Variants in KIF20B observed in about 807,000 individuals in gnomAD.
The protein encoded by KIF20B is kinesin family member 20B.
A neutral mutation model predicts 232.5 loss-of-function variants in KIF20B; 188 were observed. That is an observed-to-expected ratio of 0.81 (90% confidence interval 0.72 to 0.91). The LOEUF is 0.91. KIF20B is among the 40% of genes least tolerant of loss of function. KIF20B has a pLI of 0.00. For missense variants in KIF20B, 2,154 were observed against 2,055.9 expected, an observed-to-expected ratio of 1.05 and a Z score of -0.92; for synonymous variants, 712 against 683.0, an observed-to-expected ratio of 1.04 and a Z score of -0.66.
In KIF20B at chr10:89,738,241, A is replaced by T; in HGVS notation, c.3400A>T (p.Thr1134Ser). The stretch of plus-strand genomic sequence containing the variant: ...AGAAGAATTGCAAGAAAAAAATGTT[A>T]CTCTTGATGTTCAAATACAGCATGT... ...LKEELQEKNV[T>S]LDVQIQHVVE... is the part of the protein sequence containing the mutation. Residue 1134 changes from threonine (T) to serine (S), a missense_variant, in exon 20 of 33, where the codon ACT (threonine) becomes TCT (serine). Transcript: ENST00000371728. 1 of 1,604,640 alleles carries T rather than the reference A, an allele frequency of 6.2e-7. No homozygotes were observed. The highest frequency in any genetic ancestry group is 1.1e-5 in the South Asian group (1 of 88,504).
Position 89,709,910 on chromosome 10 carries a change from A to T in KIF20B, c.352-17A>T, listed in dbSNP as rs1321831469. The T allele has an allele frequency of 6.4e-7, 1 of 1,558,348 alleles. No homozygotes were observed. The highest frequency in any genetic ancestry group is 1.2e-5 in the South Asian group (1 of 81,912). On this transcript the variant is annotated splice_polypyrimidine_tract_variant and intron_variant, in intron 4 of 32. Transcript: ENST00000371728. ...CTTGAATTTTCTAAAAAGAGTTTTT[A>T]AAAAATGTTTGCTTAGGTTTTTGGC...
chr10:89,732,311 C>T (rs566789491), intron 18 of KIF20B, among the ~76,000 whole-genome samples: 103 of 152,084 alleles, frequency 6.8e-4, no homozygotes, highest in Middle Eastern at 3.4e-3. Flanking sequence ...TTTGTAGAGA[C>T]GGGTTCTCAC....
rs1299851009 is a variant in KIF20B, at chr10:89,718,690, T to C, written c.1272-20T>C. 5 of 1,592,020 alleles carry C rather than the reference T, an allele frequency of 3.1e-6. No homozygotes were observed. Among genetic ancestry groups the C allele is most frequent in the Non-Finnish European group, 4.3e-6 (5 of 1,168,182 alleles). The stretch of plus-strand genomic sequence containing the variant: ...AGATGTTTTTTAACTTACAATGTTT[T>C]CTGAAAATTTTTTCTGTAGGTTTCA... On this transcript the variant is annotated intron_variant, in intron 11 of 32. Transcript: ENST00000371728.
At chr10:89,702,191 A>T (rs1842625952) in intron 1 of KIF20B, among the ~76,000 whole-genome samples, 1 of 152,164 alleles carries the variant, frequency 6.6e-6, no homozygotes, top group African/African-American at 2.4e-5. Context: ...CTGGTAGGTA[A>T]CACGGCCTTT....
In KIF20B at chr10:89,715,176, A is replaced by T; in HGVS notation, c.934A>T (p.Ile312Leu). 1 of 1,570,764 alleles carries T rather than the reference A, an allele frequency of 6.4e-7. No homozygotes were observed. Among genetic ancestry groups the T allele is most frequent in the Non-Finnish European group, 8.7e-7 (1 of 1,150,704 alleles). The change falls in exon 8 of 33, where the codon ATA becomes TTA. Residue 312 changes from isoleucine to leucine, a missense_variant. Transcript: ENST00000371728. ...LSQDVKGYSF[I>L]KDLQWIQVSD... The stretch of plus-strand genomic sequence containing the variant: ...CCAAGACGTAAAGGGCTATTCTTTT[A>T]TAAAAGGTATACTAATGAATATTTT...
chr10:89,746,621 A>T (rs1841916618), intron 23 of KIF20B, among the ~76,000 whole-genome samples: 1 of 152,126 alleles, frequency 6.6e-6, no homozygotes, highest in African/African-American at 2.4e-5. Context: ...GAAAAATGCA[A>T]CATTTGGGTG....
chr10:89,757,040 G>GTATGTATA (rs1554852904), intron 26 of KIF20B, among the ~76,000 whole-genome samples: 2 of 110,754 alleles, frequency 1.8e-5, no homozygotes, highest in Non-Finnish European at 1.8e-5. Context: ...GTGTGTGTGT[G>GTATGTATA]TATATATATA....
At chr10:89,773,082 A>T (rs1184638219) in intron 32 of KIF20B, among the ~76,000 whole-genome samples, 1 of 152,058 alleles carries the variant, frequency 6.6e-6, no homozygotes, top group Non-Finnish European at 1.5e-5. Context: ...GTCACTATTT[A>T]GTAACTTATT....
At chr10:89,723,353 T>C (rs1843107704) in intron 13 of KIF20B, among the ~76,000 whole-genome samples, 1 of 152,128 alleles carries the variant, frequency 6.6e-6, no homozygotes, top group Admixed American at 6.6e-5. Flanking sequence ...TATTGCTTTA[T>C]TTATATATTG....
intron 29 of KIF20B, among the ~76,000 whole-genome samples, chr10:89,767,877 T>C (rs1842394959): frequency 6.6e-6 from 1 of 152,042 alleles, no homozygotes; most frequent in Non-Finnish European, 1.5e-5. Context: ...TAAAGCTCAG[T>C]TTCAAATAAA....
At chr10:89,768,918 T>G (rs1319458578) in intron 31 of KIF20B, 30 bp downstream of exon 31, 1 of 1,550,764 alleles carries the variant, frequency 6.4e-7, no homozygotes, top group East Asian at 2.3e-5. Context: ...AATGACCTTT[T>G]TTTGTTAGAT....
chr10:89,702,924 T>A (rs1008135750), intron 1 of KIF20B, among the ~76,000 whole-genome samples: 1 of 152,216 alleles, frequency 6.6e-6, no homozygotes. Flanking sequence ...AGGCCACGTA[T>A]AAGTAGAAGT....
intron 19 of KIF20B, among the ~76,000 whole-genome samples, chr10:89,734,243 C>T (rs1264155350): frequency 1.3e-5 from 2 of 152,064 alleles, no homozygotes; most frequent in Non-Finnish European, 2.9e-5. Flanking sequence ...AACCCCATCT[C>T]TACTAAAATT....
At chr10:89,722,521 T>G (rs937551727) in intron 13 of KIF20B, among the ~76,000 whole-genome samples, 1 of 151,918 alleles carries the variant, frequency 6.6e-6, no homozygotes, top group Non-Finnish European at 1.5e-5. Flanking sequence ...TACAAAAAAT[T>G]AGCCAGGCGT....
rs201409025 is a variant in KIF20B, at chr10:89,772,699, A to G, written c.5253A>G (p.Ile1751Met). ...AATTTTATTTTATAGCAAAGAAGAT[A>G]ATTGAAACAATGAGCTCTTCAAAGC... ...PSILQSKAKK[I>M]IETMSSSKLS... Residue 1751 changes from isoleucine (I) to methionine (M), a missense_variant, in exon 32 of 33, where the codon ATA (isoleucine) becomes ATG (methionine). Ile to Met is a conservative substitution (Grantham distance 10, BLOSUM62 1). Transcript: ENST00000371728. The G allele has an allele frequency of 7.2e-5, 113 of 1,571,538 alleles. 2 individuals are homozygous for G. In the Admixed American group the frequency reaches 1.3e-3, roughly 19 times the overall value.
intron 21 of KIF20B, 121 bp downstream of exon 21, chr10:89,739,217 A>G: frequency 1.8e-6 from 2 of 1,087,910 alleles, no homozygotes; most frequent in Non-Finnish European, 2.6e-6. Flanking sequence ...ATTTTTCTTA[A>G]AATTACAAGA....
At chr10:89,750,338 T>A (rs1841996963) in intron 23 of KIF20B, among the ~76,000 whole-genome samples, 2 of 152,088 alleles carry the variant, frequency 1.3e-5, no homozygotes, top group South Asian at 4.1e-4. Context: ...TATTTGAAAA[T>A]CATGCTTTTT....
Position 89,726,275 on chromosome 10 carries a change from G to A in KIF20B, c.2002-18G>A. ...ACCCTACTGTTAATATTAGGCATGT[G>A]GTTTTTGCTATTTTTAGGAAACACA... On this transcript the variant is annotated intron_variant, in intron 15 of 32. Transcript: ENST00000371728. 6.5e-7 allele frequency: 1 copy of A among 1,539,032 alleles called. No individual in the cohort carries two copies. The highest frequency in any genetic ancestry group is 8.8e-7 in the Non-Finnish European group (1 of 1,141,124).
At chr10:89,726,216 G>A (rs902548329) in intron 15 of KIF20B, 77 bp from the exon 16 acceptor site, 1 of 1,347,428 alleles carries the variant, frequency 7.4e-7, no homozygotes, top group South Asian at 2.2e-5. Flanking sequence ...TTTAAAAACT[G>A]TCTAAATTAG....
Sources: allele counts gnomAD v4.1 joint callset (sites outside exome capture counted in the v4.1 genomes callset), GRCh38; gene constraint gnomAD v4.1.1; transcripts MANE v1.5; gene names NCBI Gene and HGNC (gene_info 2026-07-23, HGNC 2026-07-21).